Variants in ILDR2 observed in about 807,000 individuals in gnomAD.
ILDR2 encodes immunoglobulin-like domain-containing receptor 2.
ILDR2 carries 25 observed loss-of-function variants against 66.8 expected under a neutral mutation model. The ratio of observed to expected loss-of-function variants is 0.37; its 90% CI spans 0.27 to 0.52. The LOEUF is 0.52. Among genes scored for constraint, ILDR2 ranks in the 20% least tolerant of loss-of-function variants. The probability of loss-of-function intolerance (pLI) is 0.88; values close to 1 mark genes in which losing one functional copy is unlikely to be tolerated. For synonymous variants in ILDR2, 367 were observed against 357.2 expected, an observed-to-expected ratio of 1.03 and a Z score of -0.31; for missense variants, 827 against 876.8, an observed-to-expected ratio of 0.94 and a Z score of 0.72.
At chr1:166,969,332 T>C (rs1663144535) in intron 1 of ILDR2, among the ~76,000 whole-genome samples, 1 of 152,210 alleles carries the variant, frequency 6.6e-6, no homozygotes. Context: ...GGAAGCGGCA[T>C]GTTCTTCTGA....
At chr1:166,920,350 C>T (rs1326667642) in intron 9 of ILDR2, among the ~76,000 whole-genome samples, 1 of 152,178 alleles carries the variant, frequency 6.6e-6, no homozygotes, top group African/African-American at 2.4e-5. Context: ...ACCTCAGAAG[C>T]CCACTAAAGG....
intron 1 of ILDR2, among the ~76,000 whole-genome samples, chr1:166,960,941 G>T (rs1310465018): frequency 6.6e-6 from 1 of 152,096 alleles, no homozygotes; most frequent in African/African-American, 2.4e-5. Context: ...AATAAGAATG[G>T]GACAAGAGAG....
At chr1:166,949,163 A>T (rs768917197) in intron 3 of ILDR2, among the ~76,000 whole-genome samples, 3 of 152,244 alleles carry the variant, frequency 2.0e-5, no homozygotes, top group African/African-American at 7.2e-5. Context: ...GCTGCCTTGC[A>T]TATTGTAGAA....
intron 3 of ILDR2, among the ~76,000 whole-genome samples, chr1:166,945,552 A>G (rs942973027): frequency 4.6e-5 from 7 of 152,248 alleles, no homozygotes; most frequent in Non-Finnish European, 7.3e-5. Flanking sequence ...AATAACACAT[A>G]AAACTTTCAG....
At chr1:166,952,454 TCAGTA>T (rs1481559551) in intron 3 of ILDR2, among the ~76,000 whole-genome samples, 1 of 152,196 alleles carries the variant, frequency 6.6e-6, no homozygotes, top group African/African-American at 2.4e-5. Flanking sequence ...TAAAGGGTGT[TCAGTA>T]TAGTTTTTGT....
At position 166,975,370 on chromosome 1, in the gene ILDR2, C is replaced by G; in HGVS notation, c.-102G>C. ...GCGGCAGCGGGCGGCGGCGGAGCGG[C>G]GGGCACCGGGCGTCCCTGGGCGCAG... On this transcript the variant is annotated 5_prime_UTR_variant, in exon 1 of 10. Coordinates refer to ENST00000271417, the MANE Select transcript of ILDR2 (RefSeq NM_199351.3). 3.3e-6 allele frequency: 3 copies of G among 905,352 alleles called. No individual in the cohort carries two copies. The South Asian group carries it at 6.0e-5, about 18-fold the overall frequency. 56.1% of individuals were successfully genotyped at this position (905,352 alleles called of 1,614,324 possible).
rs1178870737 is a variant in ILDR2, at chr1:166,957,820, T to C, written c.328A>G (p.Thr110Ala). ...CTGTAGAAATCTCCCAGGGTGACAG[T>C]CGAGCCCTGTTTTGAAGCTACTACT... ...VRVVASKQGS[T>A]VTLGDFYRGR... The change falls in exon 2 of 10, where the codon ACT (threonine) becomes GCT (alanine). Residue 110 changes from threonine (T) to alanine (A), a missense_variant. Thr to Ala is a moderately conservative substitution (Grantham distance 58). Transcript: ENST00000271417. 2 of 1,614,058 alleles carry C rather than the reference T, an allele frequency of 1.2e-6. No homozygotes were observed. Among genetic ancestry groups the C allele is most frequent in the Non-Finnish European group, 1.7e-6 (2 of 1,180,024 alleles).
chr1:166,899,834 G>A lies in ILDR2; in HGVS notation n.172-3733C>T, dbSNP rs1474277755. ...AAGATGAAGAATTATTTTGGGACAA[G>A]CTCCATGAGAGCAGAATGCAAACAG... On this transcript the variant is annotated intron_variant and non_coding_transcript_variant, in intron 2 of 2. Transcript: ENST00000414590. 3.3e-5 allele frequency among the ~76,000 whole-genome samples: 5 copies of A among 152,316 alleles called. No individual in the cohort carries two copies. In the South Asian group the frequency reaches 1.0e-3, roughly 32 times the overall value.
At chr1:166,975,125 T>G in intron 1 of ILDR2, 98 bp downstream of exon 1, 6 of 1,029,198 alleles carry the variant, frequency 5.8e-6, no homozygotes, top group Non-Finnish European at 9.1e-6. Context: ...TTAAACATGG[T>G]CAGTAAGGAG....
intron 7 of ILDR2, among the ~76,000 whole-genome samples, chr1:166,923,605 T>C (rs919333290): frequency 1.3e-5 from 2 of 152,238 alleles, no homozygotes; most frequent in African/African-American, 4.8e-5. Flanking sequence ...GCTGTACTTA[T>C]ACCTGTGGGC....
rs1663530503 is a variant in ILDR2, at chr1:166,975,321, G to C, written c.-53C>G. 6.5e-7 allele frequency: 1 copy of C among 1,545,832 alleles called. No homozygotes were observed. Among genetic ancestry groups the C allele is most frequent in the Non-Finnish European group, 8.9e-7 (1 of 1,125,808 alleles). ...GAGTGAGGAAAGTGGGAAATGGCTG[G>C]AACAGAAGGATCGCTGTCACCCCGC... On this transcript the variant is annotated 5_prime_UTR_variant, in exon 1 of 10. Transcript: ENST00000271417.
At chr1:166,929,652 G>A (rs572849890) in intron 6 of ILDR2, among the ~76,000 whole-genome samples, 2 of 152,292 alleles carry the variant, frequency 1.3e-5, no homozygotes, top group Non-Finnish European at 2.9e-5. Flanking sequence ...GACTAGGTTC[G>A]CTTCTGTATC....
Position 166,921,432 on chromosome 1 carries a change from G to C in ILDR2, c.1212-53C>G, listed in dbSNP as rs756416607. ...CGGCCGGTCCCTCCCTGGAGCTCCA[G>C]GTAGGGCTCCCAAGAGCACCCATCG... is the stretch of plus-strand genomic sequence containing the variant. On this transcript the variant is annotated intron_variant, in intron 8 of 9. Coordinates refer to ENST00000271417, the MANE Select transcript of ILDR2 (RefSeq NM_199351.3). The surrounding 1 kb of genome is among the most constrained non-coding windows in gnomAD (Gnocchi z 5.3). 21 of 1,447,450 alleles carry C rather than the reference G, an allele frequency of 1.5e-5. No individual in the cohort carries two copies. In the African/African-American group the frequency reaches 2.4e-4, roughly 17 times the overall value. 89.7% of individuals were successfully genotyped at this position (1,447,450 alleles called of 1,614,324 possible). A position where few individuals can be genotyped will look rare whatever the true frequency, so the allele number is the denominator to read the frequency against.
intron 1 of ILDR2, among the ~76,000 whole-genome samples, chr1:166,971,434 AC>A (rs1663291963): frequency 1.3e-5 from 2 of 152,116 alleles, no homozygotes; most frequent in African/African-American, 4.8e-5. Context: ...ACCTTTAACT[AC>A]CATGACAAAG....
intron 2 of ILDR2, among the ~76,000 whole-genome samples, chr1:166,900,211 T>G (rs1221404809): frequency 1.3e-5 from 2 of 151,630 alleles, no homozygotes; most frequent in East Asian, 3.9e-4. Flanking sequence ...TCCTTCTCTC[T>G]ATTGCTACCC....
rs983772168 is a variant in ILDR2 at position 166,915,129 on chromosome 1, T to C, written c.*4226A>G. On this transcript the variant is annotated 3_prime_UTR_variant, in exon 10 of 10. Transcript: ENST00000271417. ...CTGAGACTGTCACAATAGATCACTGTTCTGGGAATGGAAATATCTACAACA... is the reference window on the plus strand; with the variant it reads ...CTGAGACTGTCACAATAGATCACTGCTCTGGGAATGGAAATATCTACAACA... 1 of 152,218 alleles carries C rather than the reference T, an allele frequency of 6.6e-6. No individual in the cohort carries two copies. The highest frequency in any genetic ancestry group is 1.5e-5 in the Non-Finnish European group (1 of 68,048). The allele number at this position is 152,218 out of a possible 1,614,324, so 9.4% of individuals were successfully genotyped here.
At chr1:166,902,426 A>G (rs945206709) in intron 2 of ILDR2, among the ~76,000 whole-genome samples, 3 of 152,226 alleles carry the variant, frequency 2.0e-5, no homozygotes, top group African/African-American at 7.2e-5. Context: ...TTCCTTATTC[A>G]TCTAAGCCAA....
intron 3 of ILDR2, among the ~76,000 whole-genome samples, chr1:166,940,461 A>T (rs1228706350): frequency 6.6e-6 from 1 of 152,246 alleles, no homozygotes; most frequent in African/African-American, 2.4e-5. Flanking sequence ...TAGTAGTACC[A>T]TAAACAACTA....
intron 3 of ILDR2, chr1:166,943,930 A>G: frequency 2.5e-6 from 2 of 801,954 alleles, no homozygotes; most frequent in Non-Finnish European, 3.0e-6. Context: ...AGAGGAAAAT[A>G]CAGTTTTTAT....
Sources: allele counts gnomAD v4.1 joint callset (sites outside exome capture counted in the v4.1 genomes callset), GRCh38; gene constraint gnomAD v4.1.1; non-coding constraint Gnocchi (gnomAD v3.1); transcripts MANE v1.5; gene names NCBI Gene and HGNC (gene_info 2026-07-23, HGNC 2026-07-21).